Variants in TFCP2L1 observed in about 807,000 individuals in gnomAD.
TFCP2L1 encodes transcription factor CP2-like protein 1.
Under a neutral mutation model 72.2 loss-of-function variants are expected in TFCP2L1, and 12 were observed. The ratio of observed to expected loss-of-function variants is 0.17; its 90% CI spans 0.11 to 0.27. The LOEUF is 0.27. Among genes scored for constraint, TFCP2L1 ranks in the 10% least tolerant of loss-of-function variants. The pLI, the probability that TFCP2L1 is intolerant of heterozygous loss-of-function variation, is 1.00. For synonymous variants in TFCP2L1, 260 were observed against 251.0 expected (o/e 1.04, Z -0.34); for missense variants, 488 against 624.6 (o/e 0.78, Z 2.33).
chr2:121,252,292 C>T (rs1022173750), intron 2 of TFCP2L1, among the ~76,000 whole-genome samples: 1 of 152,156 alleles, frequency 6.6e-6, no homozygotes, highest in Non-Finnish European at 1.5e-5. Flanking sequence ...AGTGATCCCC[C>T]AGCCTTGGCC....
At chr2:121,280,658 G>C (rs1349428076) in intron 2 of TFCP2L1, among the ~76,000 whole-genome samples, 1 of 151,820 alleles carries the variant, frequency 6.6e-6, no homozygotes, top group Non-Finnish European at 1.5e-5. Flanking sequence ...CTACTTGGGA[G>C]GTTAAGGTGG....
At chr2:121,231,139 G>C (rs1173568705) in intron 13 of TFCP2L1, among the ~76,000 whole-genome samples, 1 of 152,162 alleles carries the variant, frequency 6.6e-6, no homozygotes, top group Non-Finnish European at 1.5e-5. Context: ...TATAGAGGCA[G>C]ACAGGATTAA....
rs1159754471 is a variant in TFCP2L1 at position 121,220,902 on chromosome 2, G to C, written c.*3439C>G. On this transcript the variant is annotated 3_prime_UTR_variant, in exon 15 of 15. Coordinates refer to ENST00000263707, the MANE Select transcript of TFCP2L1 (RefSeq NM_014553.3). Reference sequence around the variant, plus strand: ...AACTACAACCACGAGAAGGTAAGAAGAGCAGATGCCAGGGGCATGCCAGAA... The same window carrying C: ...AACTACAACCACGAGAAGGTAAGAACAGCAGATGCCAGGGGCATGCCAGAA... The C allele has an allele frequency of 2.0e-5, 3 of 152,198 alleles. No individual in the cohort carries two copies. Among genetic ancestry groups the C allele is most frequent in the Non-Finnish European group, 4.4e-5 (3 of 68,038 alleles). 9.4% of individuals were successfully genotyped at this position (152,198 alleles called of 1,614,324 possible).
intron 2 of TFCP2L1, among the ~76,000 whole-genome samples, chr2:121,255,801 G>A (rs562716580): frequency 3.8e-4 from 58 of 151,396 alleles, no homozygotes; most frequent in African/African-American, 1.0e-3. Context: ...GGAGTACAGC[G>A]GCACGATCTC....
intron 2 of TFCP2L1, among the ~76,000 whole-genome samples, chr2:121,278,801 C>G (rs992513641): frequency 7.3e-5 from 11 of 150,072 alleles, no homozygotes; most frequent in African/African-American, 2.7e-4. Context: ...GCCAGGAGTT[C>G]AAGACCAGCC....
chr2:121,228,822 T>C (rs1262580763), intron 13 of TFCP2L1, among the ~76,000 whole-genome samples: 1 of 131,496 alleles, frequency 7.6e-6, no homozygotes, highest in Non-Finnish European at 1.6e-5. Context: ...AATGTAATAA[T>C]ATAAACGTAA....
chr2:121,249,135 A>AG, intron 3 of TFCP2L1, 48 bp from the exon 4 acceptor site: 1 of 1,388,744 alleles, frequency 7.2e-7, no homozygotes. Context: ...GGGGGCCAAG[A>AG]GGAACCCACC....
rs890881318 is a variant in TFCP2L1 at position 121,247,099 on chromosome 2, G to C, written c.505-129C>G. The C allele has an allele frequency of 5.4e-6, 6 of 1,110,530 alleles. No individual in the cohort carries two copies. In the African/African-American group the frequency reaches 9.3e-5, roughly 17 times the overall value. The allele number at this position is 1,110,530 out of a possible 1,614,324, so 68.8% of individuals were successfully genotyped here. ...AGTGCAGGCCTGCCTCGACCTCCCTGCTTTCCCTGACACTCTGTCCACTCC... is the reference window on the plus strand; with the variant it reads ...AGTGCAGGCCTGCCTCGACCTCCCTCCTTTCCCTGACACTCTGTCCACTCC... On this transcript the variant is annotated intron_variant, in intron 5 of 14. Coordinates refer to ENST00000263707, the MANE Select transcript of TFCP2L1 (RefSeq NM_014553.3).
intron 1 of TFCP2L1, among the ~76,000 whole-genome samples, chr2:121,284,599 G>A (rs904101838): frequency 2.6e-5 from 4 of 152,232 alleles, no homozygotes; most frequent in Non-Finnish European, 4.4e-5. Context: ...CAGAGGGCGC[G>A]AGGCTGGGAG....
At chr2:121,262,194 C>T (rs1034682183) in intron 2 of TFCP2L1, among the ~76,000 whole-genome samples, 2 of 152,148 alleles carry the variant, frequency 1.3e-5, no homozygotes, top group African/African-American at 4.8e-5. Context: ...AGGCCAGCCA[C>T]AGTGGCTCTT....
intron 12 of TFCP2L1, among the ~76,000 whole-genome samples, chr2:121,232,794 G>A (rs897670698): frequency 6.6e-6 from 1 of 152,122 alleles, no homozygotes; most frequent in Admixed American, 6.5e-5. Flanking sequence ...CACCAGGAGG[G>A]CACCATGGTG....
intron 11 of TFCP2L1, among the ~76,000 whole-genome samples, chr2:121,234,851 G>GC (rs1686211525): frequency 6.6e-6 from 1 of 152,210 alleles, no homozygotes; most frequent in Non-Finnish European, 1.5e-5. Flanking sequence ...CATCTGACCA[G>GC]CCCCAAGTCC....
intron 2 of TFCP2L1, among the ~76,000 whole-genome samples, chr2:121,253,678 A>G (rs944952449): frequency 6.6e-6 from 1 of 152,176 alleles, no homozygotes; most frequent in Non-Finnish European, 1.5e-5. Context: ...AGCAACTTCC[A>G]GGCCTGAACA....
intron 12 of TFCP2L1, among the ~76,000 whole-genome samples, chr2:121,233,491 T>G (rs1686185247): frequency 6.6e-6 from 1 of 152,180 alleles, no homozygotes; most frequent in South Asian, 2.1e-4. Context: ...AGAGATTTGG[T>G]CTTGGTATAT....
chr2:121,258,478 CCA>C (rs959540067), intron 2 of TFCP2L1, among the ~76,000 whole-genome samples: 1 of 152,200 alleles, frequency 6.6e-6, no homozygotes, highest in Non-Finnish European at 1.5e-5. Flanking sequence ...CTTGGGGCCA[CCA>C]CAGAGGAAGA....
chr2:121,278,023 T>A, intron 2 of TFCP2L1, among the ~76,000 whole-genome samples: 1 of 145,296 alleles, frequency 6.9e-6, no homozygotes, highest in South Asian at 2.2e-4. Flanking sequence ...TAACTCCTTT[T>A]TCTCTCTTTT....
intron 2 of TFCP2L1, among the ~76,000 whole-genome samples, chr2:121,260,646 T>G (rs192832857): frequency 1.7e-3 from 262 of 152,188 alleles, no homozygotes; most frequent in Non-Finnish European, 3.0e-3. Context: ...CAGGCAGGGA[T>G]AACTCCACCA....
intron 2 of TFCP2L1, among the ~76,000 whole-genome samples, chr2:121,278,011 G>A (rs1361873096): frequency 1.3e-5 from 2 of 149,994 alleles, no homozygotes; most frequent in East Asian, 4.0e-4. Flanking sequence ...AGACCATAGA[G>A]GTAACTCCTT....
At position 121,221,323 on chromosome 2, in the gene TFCP2L1, G is replaced by A. The variant is rs1359160084; in HGVS notation, c.*3018C>T. 6.6e-6 allele frequency: 1 copy of A among 151,872 alleles called. No individual in the cohort carries two copies. The highest frequency in any genetic ancestry group is 1.5e-5 in the Non-Finnish European group (1 of 68,010). 9.4% of individuals were successfully genotyped at this position (151,872 alleles called of 1,614,324 possible). ...GAGAGAGATAGGACTCAGTACCGTT[G>A]ACTCAGGTAAAGAGGGAGACAGCAA... On this transcript the variant is annotated 3_prime_UTR_variant, in exon 15 of 15. Coordinates refer to ENST00000263707, the MANE Select transcript of TFCP2L1 (RefSeq NM_014553.3).
Sources: gnomAD v4.1 joint callset for allele counts (sites outside exome capture counted in the v4.1 genomes callset) on GRCh38, gnomAD v4.1.1 for gene constraint, MANE v1.5 for transcripts, NCBI Gene and HGNC (gene_info 2026-07-23, HGNC 2026-07-21) for gene names.